RAPGEF6: variants seen among roughly 807,000 people sequenced by gnomAD.
RAPGEF6 encodes the protein Rap guanine nucleotide exchange factor 6.
Under a neutral mutation model 171.4 loss-of-function variants are expected in RAPGEF6, and 56 were observed. The observed-to-expected ratio is 0.33, with a 90% CI of 0.26 to 0.41. RAPGEF6 has a LOEUF of 0.41. Among genes scored for constraint, RAPGEF6 ranks in the 10% least tolerant of loss-of-function variants. The pLI, the probability that RAPGEF6 is intolerant of heterozygous loss-of-function variation, is 1.00. For synonymous variants in RAPGEF6, 692 were observed against 650.1 expected, an observed-to-expected ratio of 1.06 and a Z score of -0.98; for missense variants, 1,674 against 1,921.4, an observed-to-expected ratio of 0.87 and a Z score of 2.41.
At position 131,495,356 on chromosome 5, in the gene RAPGEF6, G is replaced by T. The variant is rs566860976; in HGVS notation, c.1527+197C>A. ...ATATAAATAAAAAATAAATGGAAGA[G>T]TCAGGAAGGAGTGTAAATGTTGTTT... On this transcript the variant is annotated intron_variant, in intron 13 of 27. Coordinates refer to ENST00000509018, the MANE Select transcript of RAPGEF6 (RefSeq NM_016340.6). 6.7e-4 allele frequency among the ~76,000 whole-genome samples: 101 copies of T among 150,806 alleles called. 2 individuals carry two copies. The South Asian group carries it at 0.011, about 17-fold the overall frequency.
At chr5:131,537,645 G>T (rs1759855925) in intron 6 of RAPGEF6, among the ~76,000 whole-genome samples, 2 of 151,938 alleles carry the variant, frequency 1.3e-5, no homozygotes, top group South Asian at 2.1e-4. Flanking sequence ...CAAACACAAG[G>T]ATACATAACT....
chr5:131,534,635 C>T (rs1188429454), intron 6 of RAPGEF6, among the ~76,000 whole-genome samples: 6 of 139,992 alleles, frequency 4.3e-5, no homozygotes, highest in Non-Finnish European at 7.7e-5. Flanking sequence ...TAATTTAAAT[C>T]AATCATACGT....
chr5:131,465,262 T>A (rs1362568268), intron 17 of RAPGEF6, among the ~76,000 whole-genome samples: 1 of 152,124 alleles, frequency 6.6e-6, no homozygotes, highest in Non-Finnish European at 1.5e-5. Flanking sequence ...AAATTCTAAT[T>A]TGAGACAATG....
At position 131,429,062 on chromosome 5, in the gene RAPGEF6, C is replaced by A. The variant is rs1351007032; in HGVS notation, c.4620G>T (p.Lys1540Asn). 3.7e-6 allele frequency: 6 copies of A among 1,614,164 alleles called. No individual in the cohort carries two copies. Among genetic ancestry groups the A allele is most frequent in the Non-Finnish European group, 5.1e-6 (6 of 1,180,034 alleles). The change falls in exon 27 of 28, where the codon AAG becomes AAT. Residue 1540 changes from lysine to asparagine, a missense_variant. Physicochemically the swap from Lys to Asn is moderately conservative, Grantham distance 94. Around this residue, in one of 3 missense-constraint regions of RAPGEF6, gnomAD observed 552 missense variants for 574.2 expected, o/e 0.96. Transcript: ENST00000509018. Reference sequence around the variant, plus strand: ...GTCTAGAGAGGCTGTTATGCATCATCTTTGACCTCTGCACTGCCACACTAT... The same window carrying A: ...GTCTAGAGAGGCTGTTATGCATCATATTTGACCTCTGCACTGCCACACTAT... ...PDYSVAVQRSKMMHNSLSRLP... is the reference protein window; with the variant it reads ...PDYSVAVQRSNMMHNSLSRLP...
chr5:131,499,766 T>A (rs1756894894), intron 11 of RAPGEF6, among the ~76,000 whole-genome samples: 1 of 152,072 alleles, frequency 6.6e-6, no homozygotes, highest in South Asian at 2.1e-4. Context: ...AACCTTCAAT[T>A]TGTTGCAGTC....
chr5:131,476,305 G>C (rs1033445623), intron 16 of RAPGEF6, among the ~76,000 whole-genome samples: 10 of 152,066 alleles, frequency 6.6e-5, no homozygotes, highest in Admixed American at 3.9e-4. Context: ...AATATTTATT[G>C]GCTAGTGCGG....
intron 4 of RAPGEF6, among the ~76,000 whole-genome samples, chr5:131,589,267 C>A (rs1266789706): frequency 6.6e-6 from 1 of 152,136 alleles, no homozygotes; most frequent in Non-Finnish European, 1.5e-5. Flanking sequence ...ATTATAGAAA[C>A]AAAGACTGTA....
intron 17 of RAPGEF6, chr5:131,469,837 C>T: frequency 6.6e-7 from 1 of 1,517,032 alleles, no homozygotes; most frequent in Non-Finnish European, 8.8e-7. Context: ...AAAAATAAAG[C>T]AAAATCAAAG....
chr5:131,548,040 T>C lies in RAPGEF6; in HGVS notation c.495+7A>G, dbSNP rs766943012. ...AAGATTCATGAAGTGTTCCTAAATA[T>C]ACTCACAGAAAGATAGCTGTTAACC... is the stretch of plus-strand genomic sequence containing the variant. On this transcript the variant is annotated splice_region_variant and intron_variant, in intron 6 of 27. Transcript: ENST00000509018. 5 of 1,612,828 alleles carry C rather than the reference T, an allele frequency of 3.1e-6. No individual in the cohort carries two copies. Among genetic ancestry groups the C allele is most frequent in the Non-Finnish European group, 4.2e-6 (5 of 1,179,420 alleles).
intron 17 of RAPGEF6, among the ~76,000 whole-genome samples, chr5:131,468,801 C>T (rs554030461): frequency 6.6e-6 from 1 of 152,030 alleles, no homozygotes; most frequent in Non-Finnish European, 1.5e-5. Flanking sequence ...AGAATTCATA[C>T]AGCAAAAAGC....
intron 6 of RAPGEF6, among the ~76,000 whole-genome samples, chr5:131,527,142 T>G (rs1481491681): frequency 6.6e-6 from 1 of 152,192 alleles, no homozygotes; most frequent in Non-Finnish European, 1.5e-5. Context: ...CTCAGATCAC[T>G]AAGGCTTACC....
chr5:131,635,122 C>G lies in RAPGEF6; in HGVS notation c.-92G>C. On this transcript the variant is annotated 5_prime_UTR_variant, in exon 1 of 28. Coordinates refer to ENST00000509018, the MANE Select transcript of RAPGEF6 (RefSeq NM_016340.6). ...AGCGGGTGCGGTACCTTTCCCCCGC[C>G]CCAAGGAGGGAACTTCGCGCCGTAA... 1.5e-6 allele frequency: 2 copies of G among 1,313,994 alleles called. No homozygotes were observed. The highest frequency in any genetic ancestry group is 2.0e-6 in the Non-Finnish European group (2 of 978,862). 81.4% of individuals were successfully genotyped at this position (1,313,994 alleles called of 1,614,324 possible).
chr5:131,488,557 G>A (rs180978881), intron 15 of RAPGEF6, among the ~76,000 whole-genome samples: 1 of 152,210 alleles, frequency 6.6e-6, no homozygotes, highest in Non-Finnish European at 1.5e-5. Context: ...CTATGCTAAA[G>A]TAATATAATA....
intron 1 of RAPGEF6, among the ~76,000 whole-genome samples, chr5:131,617,671 A>G (rs1429845516): frequency 6.6e-6 from 1 of 152,212 alleles, no homozygotes; most frequent in Admixed American, 6.5e-5. Context: ...AAGTGGGTGG[A>G]TCACCTGAGG....
intron 18 of RAPGEF6, 108 bp from the exon 19 acceptor site, chr5:131,462,196 G>T: frequency 1.1e-6 from 1 of 923,928 alleles, no homozygotes; most frequent in Non-Finnish European, 1.5e-6. Flanking sequence ...ATAACTTTTA[G>T]CCAAAAATAT....
In RAPGEF6 at chr5:131,433,489, C is replaced by T. The variant is rs769058830; in HGVS notation, c.3915G>A (p.Gly1305=). 6.2e-7 allele frequency: 1 copy of T among 1,613,934 alleles called. No homozygotes were observed. The highest frequency in any genetic ancestry group is 1.3e-5 in the African/African-American group (1 of 75,006). ...AAGCGTGCTCTGTCTTTTCCAATGC[C>T]CCAGTGGATTCAGGGACTGCCAGGG... ...SQALAVPEST[G]ALEKTEHASG... The change falls in exon 25 of 28, where the codon GGG becomes GGA. Residue 1305 remains glycine, a synonymous_variant. Transcript: ENST00000509018.
At chr5:131,600,636 A>G (rs915795807) in intron 3 of RAPGEF6, among the ~76,000 whole-genome samples, 4 of 150,046 alleles carry the variant, frequency 2.7e-5, no homozygotes, top group Non-Finnish European at 4.4e-5. Flanking sequence ...GGAGAGGAGG[A>G]GGGAGCGAAG....
At chr5:131,587,623 T>C (rs1407843976) in intron 4 of RAPGEF6, among the ~76,000 whole-genome samples, 4 of 152,176 alleles carry the variant, frequency 2.6e-5, no homozygotes, top group African/African-American at 9.7e-5. Context: ...CTCCAAAATA[T>C]GGTGCTTTGG....
intron 4 of RAPGEF6, among the ~76,000 whole-genome samples, chr5:131,581,154 C>A (rs1268075155): frequency 1.3e-5 from 2 of 152,178 alleles, no homozygotes; most frequent in African/African-American, 2.4e-5. Context: ...CCGCAGCTGT[C>A]CTCTAGAACC....
Sources: gnomAD v4.1 joint callset for allele counts (sites outside exome capture counted in the v4.1 genomes callset) on GRCh38, gnomAD v4.1.1 for gene constraint, gnomAD v4.1.1 regional missense constraint, MANE v1.5 for transcripts, NCBI Gene and HGNC (gene_info 2026-07-23, HGNC 2026-07-21) for gene names.